The following SLC7A4 variants were observed in gnomAD, a reference collection of about 807,000 sequenced individuals.
The protein encoded by SLC7A4 is solute carrier family 7 member 4, also known as cationic amino acid transporter 4.
Under a neutral mutation model 37.8 loss-of-function variants are expected in SLC7A4, and 30 were observed. The ratio of observed to expected loss-of-function variants is 0.79; its 90% CI spans 0.59 to 1.08. SLC7A4 has a LOEUF of 1.08. SLC7A4 is among the 50% of genes least tolerant of loss of function. The pLI is 0.00. For synonymous variants in SLC7A4, 359 were observed against 376.5 expected (o/e 0.95, Z 0.54); for missense variants, 839 against 843.2 (o/e 1.00, Z 0.06).
intron 1 of SLC7A4, among the ~76,000 whole-genome samples, chr22:21,032,185 G>C (rs1222440850): frequency 6.6e-6 from 1 of 152,180 alleles, no homozygotes; most frequent in Admixed American, 6.5e-5. Flanking sequence ...CAGTGGTGGG[G>C]TCCCAGAGCC....
intron 1 of SLC7A4, among the ~76,000 whole-genome samples, chr22:21,032,308 G>C (rs111570461): frequency 0.025 from 3,812 of 152,284 alleles, 156 homozygotes; most frequent in African/African-American, 0.086. Flanking sequence ...GACAGTGGCG[G>C]CTACATACAC....
Position 21,030,198 on chromosome 22 carries a change from G to A in SLC7A4, c.1136C>T (p.Ala379Val). Reference sequence around the variant, plus strand: ...CAGGTCCAGCAGCAGTGCCAGGAAGGCCGTGAGGAGCCCGAACGCCAGGGT... The same window carrying A: ...CAGGTCCAGCAGCAGTGCCAGGAAGACCGTGAGGAGCCCGAACGCCAGGGT... ...AGTLAFGLLT[A>V]FLALLLDLES... The change falls in exon 3 of 5, where the codon GCC (alanine) becomes GTC (valine). Residue 379 changes from alanine (A) to valine (V), a missense_variant. By Grantham distance (64) the Ala-to-Val change is moderately conservative. Coordinates refer to ENST00000382932, the MANE Select transcript of SLC7A4 (RefSeq NM_004173.3). 6.2e-7 allele frequency: 1 copy of A among 1,613,822 alleles called. No homozygotes were observed. The highest frequency in any genetic ancestry group is 8.5e-7 in the Non-Finnish European group (1 of 1,180,022).
chr22:21,031,047 C>A lies in SLC7A4; in HGVS notation c.766G>T (p.Ala256Ser), dbSNP rs1024265839. The change falls in exon 2 of 5, where the codon GCC becomes TCC. Residue 256 changes from alanine (A) to serine (S), a missense_variant. Transcript: ENST00000382932. ...GGGTTCTGGGCCTCCTCACTGGAGG[C>A]GGCAATGACGTCGAAGCCCACGAAA... ...YAFVGFDVIAASSEEAQNPRR... is the reference protein window; with the variant it reads ...YAFVGFDVIASSSEEAQNPRR... 1 of 1,614,096 alleles carries A rather than the reference C, an allele frequency of 6.2e-7. No individual in the cohort carries two copies. Among genetic ancestry groups the A allele is most frequent in the Non-Finnish European group, 8.5e-7 (1 of 1,180,004 alleles).
intron 2 of SLC7A4, 90 bp downstream of exon 2, chr22:21,030,741 G>GC: frequency 7.1e-7 from 1 of 1,403,146 alleles, no homozygotes; most frequent in Non-Finnish European, 9.6e-7. Flanking sequence ...TAGTAAAACA[G>GC]CCCCAGTTGA....
In SLC7A4 at chr22:21,028,986, C is replaced by T; in HGVS notation, c.*69G>A. ...CAGGCTGCCCACAACAGAAGGGGCTCTCGGCTTGTCTGGCCTCTCTGGCCT... is the reference window on the plus strand; with the variant it reads ...CAGGCTGCCCACAACAGAAGGGGCTTTCGGCTTGTCTGGCCTCTCTGGCCT... On this transcript the variant is annotated 3_prime_UTR_variant, in exon 5 of 5. Coordinates refer to ENST00000382932, the MANE Select transcript of SLC7A4 (RefSeq NM_004173.3). The T allele has an allele frequency of 2.0e-6, 3 of 1,490,614 alleles. No homozygotes were observed. Among genetic ancestry groups the T allele is most frequent in the Non-Finnish European group, 2.7e-6 (3 of 1,118,808 alleles). The allele number at this position is 1,490,614 out of a possible 1,614,324, so 92.3% of individuals were successfully genotyped here.
In SLC7A4 at chr22:21,031,065, C is replaced by G; in HGVS notation, c.748G>C (p.Gly250Arg). The G allele has an allele frequency of 6.2e-7, 1 of 1,614,130 alleles. No homozygotes were observed. The change falls in exon 2 of 5, where the codon GGC becomes CGC. Residue 250 changes from glycine to arginine, a missense_variant. Gly to Arg is a moderately radical substitution (Grantham distance 125). Coordinates refer to ENST00000382932, the MANE Select transcript of SLC7A4 (RefSeq NM_004173.3). ...GTASCFYAFV[G>R]FDVIAASSEE... ...CTGGAGGCGGCAATGACGTCGAAGC[C>G]CACGAAAGCATAGAAGCAGGAGGCA...
At chr22:21,031,965 G>C (rs910258365) in intron 1 of SLC7A4, 113 bp from the exon 2 acceptor site, 5 of 675,690 alleles carry the variant, frequency 7.4e-6, no homozygotes, top group Non-Finnish European at 8.4e-6. Flanking sequence ...TGGGGACCTG[G>C]ACACCCTCAC....
rs752713235 is a variant in SLC7A4, at chr22:21,029,911, C to T, written c.1423G>A (p.Gly475Arg). 5.8e-5 allele frequency: 93 copies of T among 1,613,728 alleles called. No homozygotes were observed. Among genetic ancestry groups the T allele is most frequent in the Non-Finnish European group, 7.6e-5 (90 of 1,179,996 alleles). The change falls in exon 3 of 5, where the codon GGA (glycine) becomes AGA (arginine). Residue 475 changes from glycine to arginine, a missense_variant. Coordinates refer to ENST00000382932, the MANE Select transcript of SLC7A4 (RefSeq NM_004173.3). ...YLGFLDGYSP[G>R]AVVTWALGVM... ...CCAAGCGCCCAAGTCACCACTGCTC[C>T]AGGGCTGTACCCATCCAAGAAGCCC...
In SLC7A4 at chr22:21,031,302, A is replaced by G; in HGVS notation, c.511T>C (p.Phe171Leu). ...QVPLLGHYPD[F>L]LAAGIILLAS... Reference sequence around the variant, plus strand: ...AGGAGGATGATGCCAGCAGCCAGGAAGTCCGGGTAGTGGCCCAGGAGGGGC... The same window carrying G: ...AGGAGGATGATGCCAGCAGCCAGGAGGTCCGGGTAGTGGCCCAGGAGGGGC... Residue 171 changes from phenylalanine (F) to leucine (L), a missense_variant, in exon 2 of 5, where the codon TTC becomes CTC. Transcript: ENST00000382932. 1 of 1,609,838 alleles carries G rather than the reference A, an allele frequency of 6.2e-7. No homozygotes were observed. The highest frequency in any genetic ancestry group is 8.5e-7 in the Non-Finnish European group (1 of 1,178,046).
rs1383572079 is a variant in SLC7A4, at chr22:21,031,156, A to C, written c.657T>G (p.Pro219=). The stretch of plus-strand genomic sequence containing the variant: ...CGCCTTCGTCAGCGCTCCAGTTGTG[A>C]GGCTGGGCCAGGATGAAGCCCAGGA... ...IVILGFILAQ[P]HNWSADEGGF... is the part of the protein sequence containing the mutation. The change falls in exon 2 of 5, where the codon CCT becomes CCG. Residue 219 remains proline (P), a synonymous_variant. Transcript: ENST00000382932. The C allele has an allele frequency of 3.1e-6, 5 of 1,613,664 alleles. No individual in the cohort carries two copies.
In SLC7A4 at chr22:21,031,057, G is replaced by A. The variant is rs767594531; in HGVS notation, c.756C>T (p.Asp252=). ...CCTCCTCACTGGAGGCGGCAATGAC[G>A]TCGAAGCCCACGAAAGCATAGAAGC... ...ASCFYAFVGF[D]VIAASSEEAQ... Residue 252 remains aspartate, a synonymous_variant, in exon 2 of 5, where the codon GAC becomes GAT. Transcript: ENST00000382932. The A allele has an allele frequency of 6.2e-6, 10 of 1,614,010 alleles. No individual in the cohort carries two copies. The highest frequency in any genetic ancestry group is 4.5e-5 in the East Asian group (2 of 44,896).
rs1466625960 is a variant in SLC7A4 at position 21,031,621 on chromosome 22, C to A, written c.192G>T (p.Lys64Asn). The A allele has an allele frequency of 1.6e-5, 26 of 1,608,280 alleles. No individual in the cohort carries two copies. Among genetic ancestry groups the A allele is most frequent in the Non-Finnish European group, 2.0e-5 (23 of 1,177,530 alleles). ...AGAGCACAGCAGGGCCAGCCACCTC[C>A]TTGGCCACGGCACCTGTGAGCACGT... is the stretch of plus-strand genomic sequence containing the variant. The part of the protein sequence containing the change: ...GLYVLTGAVA[K>N]EVAGPAVLLS... Residue 64 changes from lysine to asparagine, a missense_variant, in exon 2 of 5, where the codon AAG (lysine) becomes AAT (asparagine). Physicochemically the swap from Lys to Asn is moderately conservative, Grantham distance 94. Coordinates refer to ENST00000382932, the MANE Select transcript of SLC7A4 (RefSeq NM_004173.3).
rs754900440 is a variant in SLC7A4, at chr22:21,029,755, C to G, written c.1579G>C (p.Val527Leu). ...TACTGTTGCTGGTGAGCCCCCAGGA[C>G]AAGGAGGCTGAGCAGAAACATGACA... ...TSVMFLLSLL[V>L]LGAHQQQYRE... The change falls in exon 3 of 5, where the codon GTC (valine) becomes CTC (leucine). Residue 527 changes from valine to leucine, a missense_variant. By Grantham distance (32) the Val-to-Leu change is conservative. Coordinates refer to ENST00000382932, the MANE Select transcript of SLC7A4 (RefSeq NM_004173.3). The G allele has an allele frequency of 4.2e-5, 67 of 1,613,008 alleles. No homozygotes were observed. Among genetic ancestry groups the G allele is most frequent in the Non-Finnish European group, 5.3e-5 (63 of 1,179,960 alleles).
chr22:21,030,313 G>T lies in SLC7A4; in HGVS notation c.1021C>A (p.Pro341Thr). The T allele has an allele frequency of 6.2e-7, 1 of 1,611,944 alleles. No homozygotes were observed. Among genetic ancestry groups the T allele is most frequent in the Non-Finnish European group, 8.5e-7 (1 of 1,178,730 alleles). Residue 341 changes from proline to threonine, a missense_variant, in exon 3 of 5, where the codon CCA (proline) becomes ACA (threonine). Pro to Thr is a conservative substitution (Grantham distance 38, BLOSUM62 -1). Coordinates refer to ENST00000382932, the MANE Select transcript of SLC7A4 (RefSeq NM_004173.3). ...TVLLSLLFSL[P>T]RIVYAMAADG... Reference sequence around the variant, plus strand: ...GCGGCCATGGCATAGACAATGCGTGGCAGGGAGAAGAGGAGGCTGAGCAGG... The same window carrying T: ...GCGGCCATGGCATAGACAATGCGTGTCAGGGAGAAGAGGAGGCTGAGCAGG...
Position 21,030,921 on chromosome 22 carries a change from T to A in SLC7A4, c.892A>T (p.Ser298Cys). The A allele has an allele frequency of 6.2e-7, 1 of 1,614,054 alleles. No individual in the cohort carries two copies. Among genetic ancestry groups the A allele is most frequent in the Non-Finnish European group, 8.5e-7 (1 of 1,180,000 alleles). ...GCAAGCGCTGAGTCGGGGTCCAGGC[T>A]GTGCCAGGGCACCATGAGGGTTAGC... Reference protein sequence around the residue: ...TVLTLMVPWHSLDPDSALADA... With the variant: ...TVLTLMVPWHCLDPDSALADA... Residue 298 changes from serine (S) to cysteine (C), a missense_variant, in exon 2 of 5, where the codon AGC becomes TGC. By Grantham distance (112) the Ser-to-Cys change is moderately radical. Transcript: ENST00000382932.
intron 3 of SLC7A4, 102 bp from the exon 4 acceptor site, chr22:21,029,546 G>A (rs951817926): frequency 2.8e-5 from 33 of 1,186,256 alleles, no homozygotes; most frequent in South Asian, 1.3e-4. Context: ...TGTTCCTCAC[G>A]GGAGATTGTG....
rs766414530 is a variant in SLC7A4 at position 21,031,132 on chromosome 22, G to A, written c.681C>T (p.Gly227=). The A allele has an allele frequency of 2.0e-5, 32 of 1,613,360 alleles. No individual in the cohort carries two copies. The highest frequency in any genetic ancestry group is 2.6e-5 in the Non-Finnish European group (31 of 1,179,742). The change falls in exon 2 of 5, where the codon GGC becomes GGT. Residue 227 remains glycine, a synonymous_variant. Transcript: ENST00000382932. ...CGGAGAAGCCGAAGGGTGCAAAGCCGCCTTCGTCAGCGCTCCAGTTGTGAG... is the reference window on the plus strand; with the variant it reads ...CGGAGAAGCCGAAGGGTGCAAAGCCACCTTCGTCAGCGCTCCAGTTGTGAG... ...AQPHNWSADE[G]GFAPFGFSGV...
chr22:21,029,448 A>AGGAGGC lies in SLC7A4; in HGVS notation c.1624-10_1624-5dup. The AGGAGGC allele has an allele frequency of 6.2e-7, 1 of 1,604,004 alleles. No homozygotes were observed. Among genetic ancestry groups the AGGAGGC allele is most frequent in the Non-Finnish European group, 8.5e-7 (1 of 1,171,568 alleles). ...GAATCAGGGGAACCATGGGGATCTG[A>AGGAGGC]GGAGGCAGAGGCAGGGCAGGGCTGG... On this transcript the variant is annotated splice_polypyrimidine_tract_variant and splice_region_variant and intron_variant, in intron 3 of 4. Transcript: ENST00000382932.
chr22:21,030,501 G>C, intron 2 of SLC7A4, 150 bp from the exon 3 acceptor site: 2 of 868,996 alleles, frequency 2.3e-6, no homozygotes. Context: ...AGGAGTAATA[G>C]ATTGTCAGCG....
Sources: allele counts gnomAD v4.1 joint callset (sites outside exome capture counted in the v4.1 genomes callset), GRCh38; gene constraint gnomAD v4.1.1; transcripts MANE v1.5; gene names NCBI Gene and HGNC (gene_info 2026-07-23, HGNC 2026-07-21).